Variants in MSRA observed in about 807,000 individuals in gnomAD.
MSRA encodes the protein methionine sulfoxide reductase A.
In MSRA, 54 loss-of-function variants were observed where a neutral mutation model predicts 31.3. That is an observed-to-expected ratio of 1.73 (90% CI 1.39 to 2.17). MSRA has a LOEUF of 2.17. Ranked by LOEUF, MSRA falls within the 30% of genes most tolerant of loss-of-function variation. MSRA has a pLI of 0.00. For synonymous variants in MSRA, 169 were observed against 116.5 expected (o/e 1.45, Z -2.90); for missense variants, 507 against 300.9 (o/e 1.69, Z -5.07).
intron 5 of MSRA, among the ~76,000 whole-genome samples, chr8:10,332,076 C>T (rs1004270732): frequency 6.6e-6 from 1 of 152,160 alleles, no homozygotes; most frequent in African/African-American, 2.4e-5. Flanking sequence ...ATCAGCATAT[C>T]TTCCTTTCTG....
At chr8:10,382,942 T>C (rs867831486) in intron 5 of MSRA, among the ~76,000 whole-genome samples, 1 of 152,230 alleles carries the variant, frequency 6.6e-6, no homozygotes, top group African/African-American at 2.4e-5. Context: ...TGGTTTCCTC[T>C]TTGAAACTTT....
At chr8:10,253,175 T>G (rs1434491548) in intron 3 of MSRA, among the ~76,000 whole-genome samples, 1 of 152,322 alleles carries the variant, frequency 6.6e-6, no homozygotes, top group Admixed American at 6.5e-5. Context: ...ATTTAGTGCC[T>G]TTCCTTCCCC....
intron 1 of MSRA, among the ~76,000 whole-genome samples, chr8:10,090,079 G>C (rs1241363685): frequency 6.6e-6 from 1 of 152,200 alleles, no homozygotes; most frequent in East Asian, 1.9e-4. Context: ...GAAAAGGGCT[G>C]TGTGTGCCTG....
At chr8:10,199,144 A>G (rs1167569544) in intron 1 of MSRA, among the ~76,000 whole-genome samples, 1 of 151,906 alleles carries the variant, frequency 6.6e-6, no homozygotes, top group Non-Finnish European at 1.5e-5. Flanking sequence ...CTGCTTTGGG[A>G]GCCTGGAGAA....
At chr8:10,404,925 C>T (rs1187214065) in intron 5 of MSRA, among the ~76,000 whole-genome samples, 1 of 152,218 alleles carries the variant, frequency 6.6e-6, no homozygotes, top group Non-Finnish European at 1.5e-5. Context: ...CTGCTCCCCA[C>T]GATGGCTTTG....
intron 1 of MSRA, among the ~76,000 whole-genome samples, chr8:10,162,062 T>C (rs569287746): frequency 6.6e-6 from 1 of 152,140 alleles, no homozygotes; most frequent in African/African-American, 2.4e-5. Context: ...ACACAGCCCG[T>C]GACACTTTGA....
At chr8:10,091,841 A>G (rs1196921566) in intron 1 of MSRA, among the ~76,000 whole-genome samples, 2 of 152,108 alleles carry the variant, frequency 1.3e-5, no homozygotes, top group Non-Finnish European at 2.9e-5. Flanking sequence ...TCTTGTCCTC[A>G]GGCAATCTGC....
intron 2 of MSRA, among the ~76,000 whole-genome samples, chr8:10,217,684 C>G (rs945623456): frequency 6.6e-6 from 1 of 152,124 alleles, no homozygotes; most frequent in Non-Finnish European, 1.5e-5. Flanking sequence ...TAAAGCAGAT[C>G]TCAGCTGCCC....
intron 4 of MSRA, among the ~76,000 whole-genome samples, chr8:10,305,009 G>A (rs1489548662): frequency 6.6e-6 from 1 of 152,238 alleles, no homozygotes; most frequent in Non-Finnish European, 1.5e-5. Context: ...GACATTTGAT[G>A]TGAAGATGCG....
At chr8:10,313,573 C>T (rs1477503170) in intron 4 of MSRA, among the ~76,000 whole-genome samples, 7 of 151,608 alleles carry the variant, frequency 4.6e-5, no homozygotes, top group Non-Finnish European at 7.4e-5. Flanking sequence ...GGTTGGTAAA[C>T]ACACCAATTC....
intron 1 of MSRA, among the ~76,000 whole-genome samples, chr8:10,074,283 C>T (rs1369124338): frequency 4.0e-5 from 6 of 151,664 alleles, no homozygotes; most frequent in African/African-American, 1.2e-4. Context: ...GGGGTTTCAC[C>T]GTGTTAGCCA....
In MSRA at chr8:10,363,964, C is replaced by T. The variant is rs144897897; in HGVS notation, c.543+43975C>T. ...AACAAAACAAAAAACAAAAGAAGAA[C>T]ACATGTATTTACCTAACTGAGGGTG... On this transcript the variant is annotated intron_variant, in intron 5 of 5. Coordinates refer to ENST00000317173, the MANE Select transcript of MSRA (RefSeq NM_012331.5). Among the ~76,000 whole-genome samples the T allele has an allele frequency of 8.7e-3, 1,324 of 152,146 alleles. 13 individuals carry two copies. The highest frequency in any genetic ancestry group is 0.034 in the South Asian group (162 of 4,810).
intron 5 of MSRA, among the ~76,000 whole-genome samples, chr8:10,322,778 C>T (rs545500904): frequency 6.6e-6 from 1 of 152,246 alleles, no homozygotes; most frequent in Admixed American, 6.5e-5. Flanking sequence ...GATAAGATTA[C>T]TTGGGAAAAG....
intron 4 of MSRA, among the ~76,000 whole-genome samples, chr8:10,315,230 A>G (rs1239254492): frequency 6.6e-6 from 1 of 152,200 alleles, no homozygotes; most frequent in East Asian, 1.9e-4. Flanking sequence ...GCTCAAGATG[A>G]GATTTGGGAG....
At chr8:10,076,719 T>C (rs906962182) in intron 1 of MSRA, among the ~76,000 whole-genome samples, 4 of 152,086 alleles carry the variant, frequency 2.6e-5, no homozygotes, top group African/African-American at 9.7e-5. Flanking sequence ...GCTGGCTCTG[T>C]AGTGCCTCCC....
chr8:10,386,537 A>G (rs751961288), intron 5 of MSRA, among the ~76,000 whole-genome samples: 3 of 152,196 alleles, frequency 2.0e-5, no homozygotes, highest in Non-Finnish European at 4.4e-5. Flanking sequence ...AAGGCTATAT[A>G]TGGTCTTTTC....
chr8:10,240,386 T>C (rs1275155080), intron 2 of MSRA, among the ~76,000 whole-genome samples: 2 of 152,190 alleles, frequency 1.3e-5, no homozygotes, highest in African/African-American at 2.4e-5. Flanking sequence ...GCCAGTTCGT[T>C]CCTGCATCCA....
intron 1 of MSRA, among the ~76,000 whole-genome samples, chr8:10,157,652 T>C (rs1191308402): frequency 6.6e-6 from 1 of 152,026 alleles, no homozygotes; most frequent in Non-Finnish European, 1.5e-5. Flanking sequence ...TAATAGTTCT[T>C]TAATATCAAA....
chr8:10,245,264 G>C (rs1425071760), intron 3 of MSRA, 41 bp downstream of exon 3: 2 of 1,593,730 alleles, frequency 1.3e-6, no homozygotes, highest in African/African-American at 2.7e-5. Flanking sequence ...GGAGAAACAA[G>C]GGAGGGCTTG....
Sources: allele counts gnomAD v4.1 joint callset (sites outside exome capture counted in the v4.1 genomes callset), GRCh38; gene constraint gnomAD v4.1.1; transcripts MANE v1.5; gene names NCBI Gene and HGNC (gene_info 2026-07-23, HGNC 2026-07-21).